LGSN: variants seen among roughly 807,000 people sequenced by gnomAD.
LGSN encodes the protein lengsin, lens protein with glutamine synthetase domain, also known as lengsin.
LGSN carries 21 observed loss-of-function variants against 19.5 expected under a neutral mutation model. The observed-to-expected ratio is 1.07, with a 90% CI of 0.76 to 1.55. The LOEUF (loss-of-function observed/expected upper bound fraction) is 1.55. Ranked by LOEUF, LGSN falls within the 40% of genes most tolerant of loss-of-function variation. The pLI is 0.00. For synonymous variants in LGSN, 257 were observed against 215.6 expected (o/e 1.19, Z -1.68); for missense variants, 673 against 608.5 (o/e 1.11, Z -1.12).
chr6:63,342,327 T>G, the LGSN span, among the ~76,000 whole-genome samples: 2 of 152,210 alleles, frequency 1.3e-5, no homozygotes, highest in South Asian at 2.1e-4. Flanking sequence ...TAGAATTAGT[T>G]CAGTTCAAAC....
chr6:63,300,943 T>C (rs1768155440), intron 1 of LGSN, among the ~76,000 whole-genome samples: 1 of 152,154 alleles, frequency 6.6e-6, no homozygotes, highest in Non-Finnish European at 1.5e-5. Flanking sequence ...ACACTGGAAG[T>C]TAGAATTACT....
chr6:63,292,930 C>T (rs1330104417), intron 2 of LGSN, among the ~76,000 whole-genome samples: 1 of 152,104 alleles, frequency 6.6e-6, no homozygotes, highest in Non-Finnish European at 1.5e-5. Flanking sequence ...AGACACTATC[C>T]CTCTAACGTC....
chr6:63,431,769 A>G, the LGSN span, among the ~76,000 whole-genome samples: 2 of 152,146 alleles, frequency 1.3e-5, no homozygotes, highest in South Asian at 2.1e-4. Flanking sequence ...TTTGAATTTC[A>G]TTAAGAAACA....
At chr6:63,443,066 C>T in the LGSN span, among the ~76,000 whole-genome samples, 1 of 152,208 alleles carries the variant, frequency 6.6e-6, no homozygotes, top group Non-Finnish European at 1.5e-5. Flanking sequence ...GCATGGCAGG[C>T]TGCAGGTCCT....
At chr6:63,319,070 T>A (rs1214615253) in intron 1 of LGSN, among the ~76,000 whole-genome samples, 1 of 152,190 alleles carries the variant, frequency 6.6e-6, no homozygotes, top group Non-Finnish European at 1.5e-5. Flanking sequence ...TTAGGGAAAG[T>A]GCATTTGTTC....
At chr6:63,334,188 C>T in the LGSN span, among the ~76,000 whole-genome samples, 1 of 152,096 alleles carries the variant, frequency 6.6e-6, no homozygotes, top group Non-Finnish European at 1.5e-5. Context: ...AATTGTTCGC[C>T]TTTGCAGATG....
At chr6:63,325,629 C>T in the LGSN span, among the ~76,000 whole-genome samples, 3 of 152,308 alleles carry the variant, frequency 2.0e-5, no homozygotes, top group East Asian at 5.8e-4. Flanking sequence ...CTGGGTCTCA[C>T]TGACTTCAAA....
At chr6:63,357,578 G>C in the LGSN span, among the ~76,000 whole-genome samples, 2 of 152,062 alleles carry the variant, frequency 1.3e-5, no homozygotes, top group African/African-American at 4.8e-5. Context: ...TTCTCTGATG[G>C]CCACTGATGA....
At chr6:63,563,779 G>T in the LGSN span, among the ~76,000 whole-genome samples, 1 of 152,140 alleles carries the variant, frequency 6.6e-6, no homozygotes, top group Non-Finnish European at 1.5e-5. Flanking sequence ...AGTGAGTCCA[G>T]GAGGCCCTAG....
the LGSN span, among the ~76,000 whole-genome samples, chr6:63,411,481 G>A: frequency 1.6e-4 from 24 of 152,144 alleles, no homozygotes; most frequent in African/African-American, 5.5e-4. Flanking sequence ...GTTCTATTGC[G>A]CTGCTCACAC....
At chr6:63,546,182 C>G in the LGSN span, among the ~76,000 whole-genome samples, 6 of 152,106 alleles carry the variant, frequency 3.9e-5, no homozygotes, top group Non-Finnish European at 8.8e-5. Flanking sequence ...AGTATATACA[C>G]ACACAGGAAT....
At chr6:63,458,298 C>G in the LGSN span, among the ~76,000 whole-genome samples, 4 of 152,286 alleles carry the variant, frequency 2.6e-5, no homozygotes, top group African/African-American at 7.2e-5. Context: ...AATTCCCGAC[C>G]TCAGGTGATC....
the LGSN span, among the ~76,000 whole-genome samples, chr6:63,382,030 T>C: frequency 6.6e-6 from 1 of 152,212 alleles, no homozygotes; most frequent in African/African-American, 2.4e-5. Flanking sequence ...TCCTGGTACC[T>C]TAAACATAAA....
rs141240690 is a variant in LGSN, at chr6:63,276,303, T to C, written c.*3718A>G. On this transcript the variant is annotated 3_prime_UTR_variant, in exon 4 of 4. Coordinates refer to ENST00000370657, the MANE Select transcript of LGSN (RefSeq NM_016571.3). ...TTTTTGATCTTTCATTGCCTTCAAA[T>C]AATCATTTCAAGCGTTGTTGTTATT... The C allele has an allele frequency of 2.0e-5, 3 of 152,398 alleles. No homozygotes were observed. The highest frequency in any genetic ancestry group is 1.3e-4 in the Admixed American group (2 of 15,312). 9.4% of individuals were successfully genotyped at this position (152,398 alleles called of 1,614,324 possible). A position where few individuals can be genotyped will look rare whatever the true frequency, so the allele number is the denominator to read the frequency against.
chr6:63,514,760 G>C, the LGSN span, among the ~76,000 whole-genome samples: 3 of 152,210 alleles, frequency 2.0e-5, no homozygotes, highest in Non-Finnish European at 2.9e-5. Context: ...GAGTACAGTG[G>C]TGCAATCACA....
the LGSN span, among the ~76,000 whole-genome samples, chr6:63,390,776 G>A: frequency 0.11 from 15,936 of 149,796 alleles, 1,747 homozygotes; most frequent in African/African-American, 0.29. Context: ...GGAGAATGGC[G>A]TGAACCCCGG....
At chr6:63,391,768 G>C in the LGSN span, among the ~76,000 whole-genome samples, 1 of 152,092 alleles carries the variant, frequency 6.6e-6, no homozygotes, top group Non-Finnish European at 1.5e-5. Context: ...GTTAATCCTT[G>C]AACTAAGTCA....
At chr6:63,523,731 C>G in the LGSN span, among the ~76,000 whole-genome samples, 1 of 151,820 alleles carries the variant, frequency 6.6e-6, no homozygotes, top group Non-Finnish European at 1.5e-5. Flanking sequence ...ACTTTTTTTG[C>G]GATTTTTTTA....
the LGSN span, among the ~76,000 whole-genome samples, chr6:63,361,099 G>A: frequency 6.6e-6 from 1 of 152,180 alleles, no homozygotes; most frequent in Admixed American, 6.5e-5. Context: ...GCTACTCGAG[G>A]GTCAGGGACC....
Sources: allele counts gnomAD v4.1 joint callset (sites outside exome capture counted in the v4.1 genomes callset), GRCh38; gene constraint gnomAD v4.1.1; transcripts MANE v1.5; gene names NCBI Gene and HGNC (gene_info 2026-07-23, HGNC 2026-07-21).